GATAD2B: variants seen among roughly 807,000 people sequenced by gnomAD.
GATAD2B encodes GATA zinc finger domain containing 2B.
A neutral mutation model predicts 64.3 loss-of-function variants in GATAD2B; 8 were observed. The ratio of observed to expected loss-of-function variants is 0.12; its 90% CI spans 0.07 to 0.22. GATAD2B has a LOEUF of 0.22. Among genes scored for constraint, GATAD2B ranks in the 10% least tolerant of loss-of-function variants. The pLI is 1.00. For synonymous variants in GATAD2B, 281 were observed against 271.3 expected (o/e 1.04, Z -0.35); for missense variants, 453 against 752.0 (o/e 0.60, Z 4.65).
At chr1:153,851,397 C>T (rs550416275) in intron 1 of GATAD2B, among the ~76,000 whole-genome samples, 1 of 152,254 alleles carries the variant, frequency 6.6e-6, no homozygotes, top group South Asian at 2.1e-4. Flanking sequence ...TACCATTTTG[C>T]ATTCCCACCA....
chr1:153,894,450 A>G (rs1677518235), intron 1 of GATAD2B, among the ~76,000 whole-genome samples: 1 of 152,158 alleles, frequency 6.6e-6, no homozygotes, highest in Non-Finnish European at 1.5e-5. Context: ...CATGGGCGAC[A>G]GAGCAAGATT....
At chr1:153,837,893 T>C (rs1675331155) in intron 1 of GATAD2B, among the ~76,000 whole-genome samples, 1 of 152,234 alleles carries the variant, frequency 6.6e-6, no homozygotes, top group South Asian at 2.1e-4. Flanking sequence ...GTTTCTTCTG[T>C]GATCCTAATA....
At chr1:153,922,034 G>A (rs1448082207) in intron 1 of GATAD2B, 1 of 152,228 alleles carries the variant, frequency 6.6e-6, no homozygotes, top group African/African-American at 2.4e-5. Context: ...TGTCCCACAA[G>A]CCCAGTCGCT....
chr1:153,903,388 A>T (rs114394877), intron 1 of GATAD2B, among the ~76,000 whole-genome samples: 1 of 152,146 alleles, frequency 6.6e-6, no homozygotes, highest in East Asian at 1.9e-4. Flanking sequence ...AAATAAACTC[A>T]TATCATTGCT....
chr1:153,877,395 A>G (rs575706902), intron 1 of GATAD2B, among the ~76,000 whole-genome samples: 1 of 151,996 alleles, frequency 6.6e-6, no homozygotes, highest in South Asian at 2.1e-4. Flanking sequence ...CAGATTTCAC[A>G]TACACTTCAA....
intron 2 of GATAD2B, among the ~76,000 whole-genome samples, chr1:153,820,397 G>A (rs549450694): frequency 6.6e-6 from 1 of 152,062 alleles, no homozygotes; most frequent in African/African-American, 2.4e-5. Context: ...GTCATTCTGG[G>A]GTTAGCCTTA....
In GATAD2B at chr1:153,862,685, G is replaced by A. The variant is rs563725305; in HGVS notation, c.-1-34337C>T. On this transcript the variant is annotated intron_variant, in intron 1 of 10. Coordinates refer to ENST00000368655, the MANE Select transcript of GATAD2B (RefSeq NM_020699.4). ...GAAATTGAGAGTATTTAGAAAAAGC[G>A]TTAATTTGCCACTGCGCCTGGCCAA... Among the ~76,000 whole-genome samples, 6 of 151,108 alleles carry A rather than the reference G, an allele frequency of 4.0e-5. No homozygotes were observed. The South Asian group carries it at 1.0e-3, about 26-fold the overall frequency.
At chr1:153,862,882 A>ACCCGG (rs1676359821) in intron 1 of GATAD2B, among the ~76,000 whole-genome samples, 1 of 151,424 alleles carries the variant, frequency 6.6e-6, no homozygotes, top group African/African-American at 2.4e-5. Flanking sequence ...GCGCCACCAT[A>ACCCGG]CCCGGCTAAT....
chr1:153,868,327 T>G (rs1035152977), intron 1 of GATAD2B, among the ~76,000 whole-genome samples: 21 of 152,128 alleles, frequency 1.4e-4, no homozygotes, highest in African/African-American at 5.1e-4. Context: ...CAGAACAATT[T>G]AGTGAGAAAA....
chr1:153,850,490 AG>A (rs1675848739), intron 1 of GATAD2B, among the ~76,000 whole-genome samples: 1 of 152,072 alleles, frequency 6.6e-6, no homozygotes, highest in Non-Finnish European at 1.5e-5. Flanking sequence ...AGTAGAGACC[AG>A]GTATCACTAT....
At position 153,828,314 on chromosome 1, in the gene GATAD2B, T is replaced by C; in HGVS notation, c.34A>G (p.Asn12Asp). 3 of 1,612,082 alleles carry C rather than the reference T, an allele frequency of 1.9e-6. No individual in the cohort carries two copies. The highest frequency in any genetic ancestry group is 2.5e-6 in the Non-Finnish European group (3 of 1,179,976). ...DRMTEDALRLNLLKRSLDPAD... is the reference protein window; with the variant it reads ...DRMTEDALRLDLLKRSLDPAD... ...GGGTCCAAGCTCCGCTTCAACAGAT[T>C]CAAGCGAAGAGCATCTTCTGTCATT... Residue 12 changes from asparagine to aspartate, a missense_variant, in exon 2 of 11, where the codon AAT becomes GAT. By Grantham distance (23) the Asn-to-Asp change is conservative (BLOSUM62 1). Transcript: ENST00000368655.
chr1:153,871,482 G>C (rs539080723), intron 1 of GATAD2B, among the ~76,000 whole-genome samples: 1 of 152,192 alleles, frequency 6.6e-6, no homozygotes, highest in East Asian at 1.9e-4. Context: ...GATTACAGGT[G>C]TAAGCCACTG....
At chr1:153,897,992 G>GAAAAAAAAAAAAA (rs1364485794) in intron 1 of GATAD2B, among the ~76,000 whole-genome samples, 1 of 70,742 alleles carries the variant, frequency 1.4e-5, no homozygotes. Context: ...AAAACAAACA[G>GAAAAAAAAAAAAA]AAAAAAAAAA....
At chr1:153,904,615 C>A (rs1557831332) in intron 1 of GATAD2B, among the ~76,000 whole-genome samples, 1 of 152,068 alleles carries the variant, frequency 6.6e-6, no homozygotes, top group Non-Finnish European at 1.5e-5. Context: ...GACCTCATCT[C>A]ACTGCAACCT....
At chr1:153,894,952 A>G (rs1276647327) in intron 1 of GATAD2B, among the ~76,000 whole-genome samples, 2 of 152,184 alleles carry the variant, frequency 1.3e-5, no homozygotes, top group African/African-American at 2.4e-5. Flanking sequence ...TGAGGTCAGG[A>G]GCTCAAGACC....
chr1:153,867,854 C>A (rs1042891339), intron 1 of GATAD2B, among the ~76,000 whole-genome samples: 1 of 150,966 alleles, frequency 6.6e-6, no homozygotes, highest in East Asian at 2.0e-4. Context: ...AGTGAGACTC[C>A]GTCTCAAAAA....
chr1:153,908,094 C>T (rs1421123499), intron 1 of GATAD2B, among the ~76,000 whole-genome samples: 1 of 152,200 alleles, frequency 6.6e-6, no homozygotes, highest in Non-Finnish European at 1.5e-5. Context: ...TGAGCCATCA[C>T]GCCCAGCCTA....
intron 1 of GATAD2B, among the ~76,000 whole-genome samples, chr1:153,912,859 G>A (rs181210035): frequency 2.0e-5 from 3 of 152,102 alleles, no homozygotes; most frequent in Non-Finnish European, 4.4e-5. Context: ...TTGGGAGGTC[G>A]AGGCAGGCGG....
At chr1:153,907,553 A>G (rs1016535430) in intron 1 of GATAD2B, among the ~76,000 whole-genome samples, 1 of 152,186 alleles carries the variant, frequency 6.6e-6, no homozygotes, top group Admixed American at 6.6e-5. Context: ...GGGAAGATGA[A>G]GAAGTTCTGG....
Sources: allele counts gnomAD v4.1 joint callset (sites outside exome capture counted in the v4.1 genomes callset), GRCh38; gene constraint gnomAD v4.1.1; transcripts MANE v1.5; gene names NCBI Gene and HGNC (gene_info 2026-07-23, HGNC 2026-07-21).